PIEZO2: variants seen among roughly 807,000 people sequenced by gnomAD.
PIEZO2 encodes piezo type mechanosensitive ion channel component 2, also known as piezo-type mechanosensitive ion channel component 2.
A neutral mutation model predicts 337.3 loss-of-function variants in PIEZO2; 172 were observed. The ratio of observed to expected loss-of-function variants is 0.51; its 90% CI spans 0.45 to 0.58. The LOEUF is 0.58. PIEZO2 is among the 20% of genes least tolerant of loss of function. The pLI, the probability that PIEZO2 is intolerant of heterozygous loss-of-function variation, is 0.00. For missense variants in PIEZO2, 3,028 were observed against 3,391.3 expected, an observed-to-expected ratio of 0.89 and a Z score of 2.66; for synonymous variants, 1,251 against 1,228.5, an observed-to-expected ratio of 1.02 and a Z score of -0.38.
intron 4 of PIEZO2, among the ~76,000 whole-genome samples, chr18:10,881,362 T>C (rs985918356): frequency 2.0e-5 from 3 of 152,222 alleles, no homozygotes; most frequent in African/African-American, 7.2e-5. Context: ...CACAGTGCTT[T>C]ATTCTCCTAA....
At chr18:10,946,634 G>C (rs8083622) in intron 3 of PIEZO2, among the ~76,000 whole-genome samples, 1 of 152,124 alleles carries the variant, frequency 6.6e-6, no homozygotes, top group Non-Finnish European at 1.5e-5. Flanking sequence ...ATGAGGCAGT[G>C]TGAGTGAGCT....
At chr18:10,907,358 G>A (rs1399856827) in intron 4 of PIEZO2, among the ~76,000 whole-genome samples, 2 of 151,730 alleles carry the variant, frequency 1.3e-5, no homozygotes, top group Non-Finnish European at 2.9e-5. Flanking sequence ...CAGGAGAATC[G>A]CCTGAACCCG....
chr18:10,897,343 T>C (rs1056161341), intron 4 of PIEZO2, among the ~76,000 whole-genome samples: 3 of 152,084 alleles, frequency 2.0e-5, no homozygotes, highest in East Asian at 3.9e-4. Context: ...CCCAACACCA[T>C]ACCTGGCTAA....
At chr18:11,106,267 T>G (rs535199759) in intron 1 of PIEZO2, among the ~76,000 whole-genome samples, 2 of 150,160 alleles carry the variant, frequency 1.3e-5, no homozygotes, top group East Asian at 3.9e-4. Flanking sequence ...TTTGTATTTT[T>G]TTTTTTTTTT....
At position 10,824,535 on chromosome 18, in the gene PIEZO2, A is replaced by G. The variant is rs1200307229; in HGVS notation, c.918-17261T>C. Among the ~76,000 whole-genome samples the G allele has an allele frequency of 6.6e-6, 1 of 152,214 alleles. No individual in the cohort carries two copies. Among genetic ancestry groups the G allele is most frequent in the Admixed American group, 6.5e-5 (1 of 15,278 alleles). On this transcript the variant is annotated intron_variant, in intron 7 of 55. Coordinates refer to ENST00000674853, the MANE Select transcript of PIEZO2 (RefSeq NM_001378183.1). The surrounding 1 kb of genome is among the most constrained non-coding windows in gnomAD (Gnocchi z 4.4). ...GAAATTTAGATTTAGATTTCTAGAT[A>G]ACTTATGACATATATATGTATATTA...
chr18:11,051,194 G>A (rs2037513324), intron 2 of PIEZO2, among the ~76,000 whole-genome samples: 1 of 152,206 alleles, frequency 6.6e-6, no homozygotes, highest in Non-Finnish European at 1.5e-5. Context: ...ATCTGCCACT[G>A]TGGGGTTTTG....
rs73402507 is a variant in PIEZO2, at chr18:11,148,315, G to A, written c.64+210C>T. ...ACAGTTTCCAGCACATGCCCGTCCC[G>A]AGCATCCTGTTAAGAGATACCCCGA... On this transcript the variant is annotated intron_variant, in intron 1 of 55. Coordinates refer to ENST00000674853, the MANE Select transcript of PIEZO2 (RefSeq NM_001378183.1). The surrounding 1 kb of genome is among the most constrained non-coding windows in gnomAD (Gnocchi z 5.2). Among the ~76,000 whole-genome samples, 4,427 of 151,880 alleles carry A rather than the reference G, an allele frequency of 0.029. 216 individuals carry two copies. Among genetic ancestry groups the A allele is most frequent in the African/African-American group, 0.1 (4,178 of 41,406 alleles).
In PIEZO2 at chr18:10,856,416, G is replaced by A. The variant is rs1045454993; in HGVS notation, c.703+585C>T. Among the ~76,000 whole-genome samples, 14 of 152,078 alleles carry A rather than the reference G, an allele frequency of 9.2e-5. No individual in the cohort carries two copies. Among genetic ancestry groups the A allele is most frequent in the African/African-American group, 2.4e-4 (10 of 41,404 alleles). On this transcript the variant is annotated intron_variant, in intron 6 of 55. Coordinates refer to ENST00000674853, the MANE Select transcript of PIEZO2 (RefSeq NM_001378183.1). This position sits in a 1 kb window ranked among gnomAD's most constrained non-coding sequence, Gnocchi z 4.7. ...AGTTTGCTTGAGTCTACTCTAATAC[G>A]CCTCCCATAGCTCCGGGGCAGTGGT... is the stretch of plus-strand genomic sequence containing the variant.
intron 9 of PIEZO2, among the ~76,000 whole-genome samples, chr18:10,802,850 T>C (rs963868064): frequency 6.6e-6 from 1 of 151,668 alleles, no homozygotes; most frequent in Non-Finnish European, 1.5e-5. Flanking sequence ...CACATGCCTG[T>C]AGTCCCAGCT....
chr18:10,672,970 T>C lies in PIEZO2; in HGVS notation c.8162-97A>G, dbSNP rs935490089. The C allele has an allele frequency of 8.3e-6, 8 of 968,394 alleles. No individual in the cohort carries two copies. In the African/African-American group the frequency reaches 9.8e-5, roughly 12 times the overall value. The allele number at this position is 968,394 out of a possible 1,614,324, so 60.0% of individuals were successfully genotyped here. On this transcript the variant is annotated intron_variant, in intron 54 of 55. Coordinates refer to ENST00000674853, the MANE Select transcript of PIEZO2 (RefSeq NM_001378183.1). This position sits in a 1 kb window ranked among gnomAD's most constrained non-coding sequence, Gnocchi z 4.7. ...GATGGCAAAATCTGGTTACTAACTA[T>C]AGCATAAGGTTCTAGGATGAAAAGG...
intron 42 of PIEZO2, among the ~76,000 whole-genome samples, chr18:10,702,515 T>C (rs2035386248): frequency 6.6e-6 from 1 of 152,238 alleles, no homozygotes; most frequent in Admixed American, 6.5e-5. Flanking sequence ...CTATTAAATA[T>C]ATTATTTAGG....
At chr18:10,845,277 C>A (rs952094975) in intron 7 of PIEZO2, among the ~76,000 whole-genome samples, 2 of 151,472 alleles carry the variant, frequency 1.3e-5, no homozygotes, top group Admixed American at 1.3e-4. Flanking sequence ...TGGGAGAATA[C>A]CAAGAAACAC....
At chr18:10,765,616 C>T (rs1007283238) in intron 21 of PIEZO2, among the ~76,000 whole-genome samples, 1 of 152,078 alleles carries the variant, frequency 6.6e-6, no homozygotes, top group African/African-American at 2.4e-5. Context: ...AGTAGGACAC[C>T]TGAAAGAGCT....
In PIEZO2 at chr18:10,726,811, G is replaced by T; in HGVS notation, c.5029+4596C>A. 1 of 1,563,454 alleles carries T rather than the reference G, an allele frequency of 6.4e-7. No individual in the cohort carries two copies. Among genetic ancestry groups the T allele is most frequent in the South Asian group, 1.1e-5 (1 of 88,352 alleles). On this transcript the variant is annotated intron_variant, in intron 36 of 55. Transcript: ENST00000674853. The surrounding 1 kb of genome is among the most constrained non-coding windows in gnomAD (Gnocchi z 5.9). ...GGATGTGGACCACCTGCGGCCCCAT[G>T]GGGTGCTGGATAATACCCGGATGCC...
rs1179574294 is a variant in PIEZO2, at chr18:10,715,633, T to C, written c.5256+17A>G. On this transcript the variant is annotated intron_variant, in intron 38 of 55. Coordinates refer to ENST00000674853, the MANE Select transcript of PIEZO2 (RefSeq NM_001378183.1). Reference sequence around the variant, plus strand: ...TAATGTGGGAAGGAGCAAAAAGAATTACACCAGCAGTGTTACCTTCTTAAT... The same window carrying C: ...TAATGTGGGAAGGAGCAAAAAGAATCACACCAGCAGTGTTACCTTCTTAAT... 4 of 1,500,806 alleles carry C rather than the reference T, an allele frequency of 2.7e-6. No individual in the cohort carries two copies. The highest frequency in any genetic ancestry group is 3.5e-6 in the Non-Finnish European group (4 of 1,130,544). 93.0% of individuals were successfully genotyped at this position (1,500,806 alleles called of 1,614,324 possible).
intron 16 of PIEZO2, 63 bp from the exon 17 acceptor site, chr18:10,785,020 T>C (rs1463626755): frequency 6.9e-7 from 1 of 1,458,604 alleles, no homozygotes; most frequent in Non-Finnish European, 9.1e-7. Context: ...ACAAACTCTT[T>C]GTGATAAACT....
In PIEZO2 at chr18:11,056,582, T is replaced by C. The variant is rs73945714; in HGVS notation, c.160+9545A>G. On this transcript the variant is annotated intron_variant, in intron 2 of 55. Transcript: ENST00000674853. The stretch of plus-strand genomic sequence containing the variant: ...AAAAGAGAACATTAAATAGAGAGGA[T>C]TGGTTACTGAAGGGGATGGACCAAA... Among the ~76,000 whole-genome samples the C allele has an allele frequency of 1.1e-3, 170 of 152,198 alleles. 2 individuals carry two copies. The highest frequency in any genetic ancestry group is 4.0e-3 in the African/African-American group (168 of 41,526).
At chr18:11,039,611 A>C (rs1598867444) in intron 2 of PIEZO2, among the ~76,000 whole-genome samples, 1 of 152,170 alleles carries the variant, frequency 6.6e-6, no homozygotes, top group Non-Finnish European at 1.5e-5. Flanking sequence ...AATAGATCCA[A>C]CTTAAGAAGT....
In PIEZO2 at chr18:10,803,720, C is replaced by T. The variant is rs1298769255; in HGVS notation, c.1200+155G>A. On this transcript the variant is annotated intron_variant, in intron 9 of 55. Transcript: ENST00000674853. ...GGTATTTTCTTTGGAAATAGTTTTC[C>T]CTCTCTGGTACTAACTCTCCTAAAT... is the stretch of plus-strand genomic sequence containing the variant. Among the ~76,000 whole-genome samples the T allele has an allele frequency of 2.0e-5, 3 of 152,048 alleles. No individual in the cohort carries two copies. In the East Asian group the frequency reaches 5.8e-4, roughly 29 times the overall value.
Sources: allele counts gnomAD v4.1 joint callset (sites outside exome capture counted in the v4.1 genomes callset), GRCh38; gene constraint gnomAD v4.1.1; non-coding constraint Gnocchi (gnomAD v3.1); transcripts MANE v1.5; gene names NCBI Gene and HGNC (gene_info 2026-07-23, HGNC 2026-07-21).